DTWD2: variants seen among roughly 807,000 people sequenced by gnomAD.
The protein encoded by DTWD2 is DTW motif tRNA-uridine aminocarboxypropyltransferase 2.
Under a neutral mutation model 31.8 loss-of-function variants are expected in DTWD2, and 39 were observed. The ratio of observed to expected loss-of-function variants is 1.22; its 90% CI spans 0.95 to 1.60. The LOEUF is 1.60. Ranked by LOEUF, DTWD2 falls within the 40% of genes most tolerant of loss-of-function variation. The pLI is 0.00. For missense variants in DTWD2, 515 were observed against 381.5 expected, an observed-to-expected ratio of 1.35 and a Z score of -2.92; for synonymous variants, 180 against 142.8, an observed-to-expected ratio of 1.26 and a Z score of -1.86.
intron 2 of DTWD2, among the ~76,000 whole-genome samples, chr5:118,944,117 T>G (rs1035402830): frequency 6.6e-6 from 1 of 152,354 alleles, no homozygotes; most frequent in Non-Finnish European, 1.5e-5. Context: ...TACATGTTTC[T>G]TCTATTCATC....
rs545959724 is a variant in DTWD2, at chr5:118,874,192, A to C, written c.598-25974T>G. Among the ~76,000 whole-genome samples, 4 of 152,338 alleles carry C rather than the reference A, an allele frequency of 2.6e-5. No homozygotes were observed. In the South Asian group the frequency reaches 8.3e-4, roughly 32 times the overall value. On this transcript the variant is annotated intron_variant, in intron 4 of 5. Coordinates refer to ENST00000510708, the MANE Select transcript of DTWD2 (RefSeq NM_173666.4). Reference sequence around the variant, plus strand: ...CATCAAACAAGATAAAAGAAAAAGAAAACCCATCCAAGGGTGAGCAATCTC... The same window carrying C: ...CATCAAACAAGATAAAAGAAAAAGACAACCCATCCAAGGGTGAGCAATCTC...
At chr5:118,978,924 T>G (rs952312988) in intron 1 of DTWD2, among the ~76,000 whole-genome samples, 1 of 151,806 alleles carries the variant, frequency 6.6e-6, no homozygotes, top group Admixed American at 6.6e-5. Flanking sequence ...GAGGAATGCT[T>G]GAGCCGGGAA....
chr5:118,845,369 G>T (rs949991467), intron 5 of DTWD2, among the ~76,000 whole-genome samples: 2 of 152,134 alleles, frequency 1.3e-5, no homozygotes, highest in Non-Finnish European at 1.5e-5. Context: ...TCACAAAGAT[G>T]CTAATTTATT....
chr5:118,893,499 G>A (rs777063706), intron 4 of DTWD2, among the ~76,000 whole-genome samples: 19 of 152,014 alleles, frequency 1.2e-4, no homozygotes, highest in Non-Finnish European at 2.4e-4. Context: ...TAGAGGATAT[G>A]TGGAAATAAG....
At position 118,853,124 on chromosome 5, in the gene DTWD2, C is replaced by G. The variant is rs1033556907; in HGVS notation, c.598-4906G>C. ...ACCTATCAGGTATTATGCTCACTAC[C>G]TGGGTAACAGTATCATTCATACCCT... On this transcript the variant is annotated intron_variant, in intron 4 of 5. Coordinates refer to ENST00000510708, the MANE Select transcript of DTWD2 (RefSeq NM_173666.4). Among the ~76,000 whole-genome samples, 96 of 152,158 alleles carry G rather than the reference C, an allele frequency of 6.3e-4. 8 individuals carry two copies. The highest frequency in any genetic ancestry group is 1.5e-5 in the Non-Finnish European group (1 of 68,024).
chr5:118,954,252 CAG>C (rs938610748), intron 1 of DTWD2, among the ~76,000 whole-genome samples: 1 of 152,178 alleles, frequency 6.6e-6, no homozygotes, highest in East Asian at 1.9e-4. Context: ...GCCTGGGCAA[CAG>C]AGAGAGAAAA....
chr5:118,938,943 T>C (rs1400532673), intron 3 of DTWD2, among the ~76,000 whole-genome samples: 1 of 151,578 alleles, frequency 6.6e-6, no homozygotes, highest in Non-Finnish European at 1.5e-5. Flanking sequence ...AAGTTAAACA[T>C]ACATTACTAT....
intron 4 of DTWD2, among the ~76,000 whole-genome samples, chr5:118,902,120 G>C (rs1287605595): frequency 6.6e-6 from 1 of 151,818 alleles, no homozygotes; most frequent in Non-Finnish European, 1.5e-5. Context: ...ACTATATCTA[G>C]TGATCCTGAG....
intron 4 of DTWD2, among the ~76,000 whole-genome samples, chr5:118,860,748 C>G (rs918971992): frequency 1.1e-4 from 17 of 152,076 alleles, no homozygotes; most frequent in African/African-American, 4.1e-4. Context: ...ATGCAGTATT[C>G]TTGTTAGGAC....
intron 1 of DTWD2, among the ~76,000 whole-genome samples, chr5:118,960,227 T>A (rs1307661560): frequency 6.6e-6 from 1 of 151,954 alleles, no homozygotes; most frequent in East Asian, 1.9e-4. Context: ...TACAAGAAAC[T>A]TAAATCTACA....
At chr5:118,885,626 G>A (rs1201625116) in intron 4 of DTWD2, among the ~76,000 whole-genome samples, 14 of 151,548 alleles carry the variant, frequency 9.2e-5, no homozygotes, top group Non-Finnish European at 1.5e-4. Flanking sequence ...TTAGCCAGGC[G>A]TGGTGGCATG....
chr5:118,900,874 G>A (rs889316458), intron 4 of DTWD2, among the ~76,000 whole-genome samples: 4 of 150,710 alleles, frequency 2.7e-5, no homozygotes, highest in Non-Finnish European at 5.9e-5. Flanking sequence ...GCAGTGACCC[G>A]AGATCACGCC....
At chr5:118,910,837 G>C (rs1561451983) in intron 4 of DTWD2, among the ~76,000 whole-genome samples, 1 of 152,174 alleles carries the variant, frequency 6.6e-6, no homozygotes, top group African/African-American at 2.4e-5. Context: ...TCTGGTGTCT[G>C]GTAAGGGCTT....
intron 4 of DTWD2, among the ~76,000 whole-genome samples, chr5:118,861,158 G>T (rs555975007): frequency 6.6e-6 from 1 of 152,294 alleles, no homozygotes; most frequent in Admixed American, 6.5e-5. Flanking sequence ...GTCTCCCAAT[G>T]GTTACCTGGA....
intron 1 of DTWD2, among the ~76,000 whole-genome samples, chr5:118,978,944 T>C (rs1209671163): frequency 6.6e-6 from 1 of 151,784 alleles, no homozygotes; most frequent in East Asian, 1.9e-4. Flanking sequence ...AGATGGAGGT[T>C]GCAGTGAGCC....
chr5:118,961,721 A>G (rs1158952202), intron 1 of DTWD2, among the ~76,000 whole-genome samples: 3 of 152,190 alleles, frequency 2.0e-5, no homozygotes, highest in Non-Finnish European at 2.9e-5. Context: ...TTTCTTATCT[A>G]AAAACTGTCT....
chr5:118,934,600 T>C (rs1000834351), intron 3 of DTWD2, among the ~76,000 whole-genome samples: 5 of 151,826 alleles, frequency 3.3e-5, no homozygotes, highest in Non-Finnish European at 7.4e-5. Flanking sequence ...AGAAATAGAA[T>C]GGAACGCTAA....
chr5:118,863,526 C>T (rs1328413965), intron 4 of DTWD2, among the ~76,000 whole-genome samples: 1 of 152,154 alleles, frequency 6.6e-6, no homozygotes, highest in East Asian at 1.9e-4. Flanking sequence ...TCCTTAAAAG[C>T]AGATACAGTT....
intron 1 of DTWD2, among the ~76,000 whole-genome samples, chr5:118,976,543 CA>C: frequency 6.6e-6 from 1 of 152,188 alleles, no homozygotes; most frequent in East Asian, 1.9e-4. Flanking sequence ...AAACTACCAT[CA>C]AAGAATACTC....
Sources: gnomAD v4.1 joint callset for allele counts (sites outside exome capture counted in the v4.1 genomes callset) on GRCh38, gnomAD v4.1.1 for gene constraint, MANE v1.5 for transcripts, NCBI Gene and HGNC (gene_info 2026-07-23, HGNC 2026-07-21) for gene names.